The following LARGE1 variants were observed in gnomAD, a reference collection of about 807,000 sequenced individuals.
LARGE1 encodes xylosyl- and glucuronyltransferase LARGE1.
Under a neutral mutation model 87.6 loss-of-function variants are expected in LARGE1, and 43 were observed. The observed-to-expected ratio is 0.49, with a 90% CI of 0.38 to 0.63. LARGE1 has a LOEUF of 0.63. Ranked by LOEUF, LARGE1 falls within the 30% of genes least tolerant of loss-of-function variation. LARGE1 has a pLI of 0.00. For synonymous variants in LARGE1, 434 were observed against 394.6 expected (o/e 1.10, Z -1.18); for missense variants, 802 against 1,000.2 (o/e 0.80, Z 2.67).
intron 11 of LARGE1, among the ~76,000 whole-genome samples, chr22:33,238,969 AAAGT>A (rs1568985700): frequency 1.3e-5 from 2 of 152,256 alleles, no homozygotes; most frequent in African/African-American, 4.8e-5. Flanking sequence ...AGCAATAATA[AAAGT>A]AAGAGTCAAA....
chr22:33,330,313 AAATTTAATTT>A (rs773938858), intron 10 of LARGE1, among the ~76,000 whole-genome samples: 1 of 152,092 alleles, frequency 6.6e-6, no homozygotes, highest in African/African-American at 2.4e-5. Context: ...ATTCTTTTAT[AAATTTAATTT>A]AATTTAATTT....
chr22:33,203,722 C>T (rs566188736), intron 11 of LARGE1, among the ~76,000 whole-genome samples: 81 of 152,280 alleles, frequency 5.3e-4, no homozygotes, highest in African/African-American at 1.9e-3. Context: ...GACTTTGCTG[C>T]CGCTGCTACC....
At chr22:33,091,078 G>A in the LARGE1 span, among the ~76,000 whole-genome samples, 4 of 152,038 alleles carry the variant, frequency 2.6e-5, no homozygotes, top group Non-Finnish European at 4.4e-5. Context: ...TCAAATATTC[G>A]AAGACGATTG....
chr22:33,171,556 C>A (rs1047849385), intron 11 of LARGE1, among the ~76,000 whole-genome samples: 1 of 152,192 alleles, frequency 6.6e-6, no homozygotes, highest in African/African-American at 2.4e-5. Context: ...TGGTGCCCTG[C>A]ATCCCAGCCA....
the LARGE1 span, among the ~76,000 whole-genome samples, chr22:33,132,297 C>T: frequency 3.3e-5 from 5 of 151,954 alleles, no homozygotes; most frequent in African/African-American, 1.2e-4. Flanking sequence ...GATCCTCCCC[C>T]CTCAGCCTCC....
intron 1 of LARGE1, among the ~76,000 whole-genome samples, chr22:33,855,338 AAAAT>A (rs989513813): frequency 3.9e-5 from 6 of 152,142 alleles, no homozygotes; most frequent in African/African-American, 1.4e-4. Flanking sequence ...CGTCTCAAAA[AAAAT>A]AAATAAATAA....
chr22:33,081,780 A>T, the LARGE1 span, among the ~76,000 whole-genome samples: 491 of 152,302 alleles, frequency 3.2e-3, 4 homozygotes, highest in African/African-American at 0.011. Context: ...TGAATAGCAC[A>T]TAGGGAAAGG....
At chr22:33,627,238 A>G (rs1248374504) in intron 3 of LARGE1, among the ~76,000 whole-genome samples, 4 of 152,234 alleles carry the variant, frequency 2.6e-5, no homozygotes, top group African/African-American at 7.2e-5. Flanking sequence ...GCATCATAGC[A>G]GTTATCATTT....
chr22:33,766,265 T>A (rs1006953720), intron 1 of LARGE1, among the ~76,000 whole-genome samples: 1 of 152,054 alleles, frequency 6.6e-6, no homozygotes, highest in Non-Finnish European at 1.5e-5. Context: ...CTAAGAGTCA[T>A]CCCTAAACAC....
intron 2 of LARGE1, among the ~76,000 whole-genome samples, chr22:33,753,244 T>C (rs2084388374): frequency 6.6e-6 from 1 of 151,656 alleles, no homozygotes; most frequent in Non-Finnish European, 1.5e-5. Flanking sequence ...ATAATAATAA[T>C]AGTCCTAATA....
the LARGE1 span, among the ~76,000 whole-genome samples, chr22:33,069,086 C>T: frequency 6.6e-6 from 1 of 152,164 alleles, no homozygotes; most frequent in African/African-American, 2.4e-5. Context: ...AGTGTTTCAT[C>T]CCTTATACCT....
At chr22:33,098,779 T>C in the LARGE1 span, among the ~76,000 whole-genome samples, 2 of 152,162 alleles carry the variant, frequency 1.3e-5, no homozygotes, top group Non-Finnish European at 2.9e-5. Context: ...TGAGGACTGT[T>C]ATAAATCCCA....
chr22:33,496,691 G>A (rs1279870777), intron 6 of LARGE1, among the ~76,000 whole-genome samples: 4 of 152,168 alleles, frequency 2.6e-5, no homozygotes, highest in Non-Finnish European at 5.9e-5. Context: ...CTACGCTATC[G>A]TTTTCAACAA....
At chr22:33,264,847 C>A (rs1192201717) in intron 11 of LARGE1, among the ~76,000 whole-genome samples, 1 of 143,940 alleles carries the variant, frequency 6.9e-6, no homozygotes, top group Non-Finnish European at 1.5e-5. Context: ...CCTGCTAAGT[C>A]ATTTTAGAGG....
intron 4 of LARGE1, among the ~76,000 whole-genome samples, chr22:33,608,485 C>T (rs954623032): frequency 1.8e-4 from 28 of 152,258 alleles, no homozygotes; most frequent in African/African-American, 5.5e-4. Context: ...AAAGCTCATC[C>T]GCCATCTGTA....
chr22:33,447,695 A>G (rs2067739945), intron 6 of LARGE1, among the ~76,000 whole-genome samples: 1 of 152,234 alleles, frequency 6.6e-6, no homozygotes, highest in South Asian at 2.1e-4. Context: ...GGGATGAAGA[A>G]GAAGTGCTTC....
intron 1 of LARGE1, among the ~76,000 whole-genome samples, chr22:33,776,291 G>T (rs1211625191): frequency 6.6e-6 from 1 of 152,156 alleles, no homozygotes; most frequent in Non-Finnish European, 1.5e-5. Context: ...CAGGCAGGTG[G>T]TGTGGACATT....
At chr22:33,153,313 C>T in the LARGE1 span, among the ~76,000 whole-genome samples, 1,339 of 152,298 alleles carry the variant, frequency 8.8e-3, 20 homozygotes, top group African/African-American at 0.03. Flanking sequence ...CAGACACGTG[C>T]CACAGCACCA....
intron 2 of LARGE1, chr22:33,657,107 G>T (rs1295264342): frequency 6.6e-6 from 1 of 152,260 alleles, no homozygotes; most frequent in Non-Finnish European, 1.5e-5. Context: ...TGCAGGCAGG[G>T]CCAGGGTCTG....
Sources: allele counts gnomAD v4.1 joint callset (sites outside exome capture counted in the v4.1 genomes callset), GRCh38; gene constraint gnomAD v4.1.1; transcripts MANE v1.5; gene names NCBI Gene and HGNC (gene_info 2026-07-23, HGNC 2026-07-21).